The following SERPINB7 variants were observed in gnomAD, a reference collection of about 807,000 sequenced individuals.
SERPINB7 encodes the protein serpin B7.
A neutral mutation model predicts 37.4 loss-of-function variants in SERPINB7; 31 were observed. That is an observed-to-expected ratio of 0.83 (90% CI 0.62 to 1.12). SERPINB7 has a LOEUF of 1.12. SERPINB7 is among the 50% of genes most tolerant of loss of function. SERPINB7 has a pLI of 0.00. For missense variants in SERPINB7, 521 were observed against 455.3 expected (o/e 1.14, Z -1.31); for synonymous variants, 163 against 166.1 (o/e 0.98, Z 0.14).
At chr18:63,758,457 C>G (rs1470204001) in intron 1 of SERPINB7, among the ~76,000 whole-genome samples, 1 of 152,148 alleles carries the variant, frequency 6.6e-6, no homozygotes, top group Non-Finnish European at 1.5e-5. Context: ...TAAAGATGCT[C>G]TCTGATTCGC....
intron 7 of SERPINB7, among the ~76,000 whole-genome samples, chr18:63,803,471 A>G (rs1568216314): frequency 1.3e-5 from 2 of 152,196 alleles, no homozygotes; most frequent in Non-Finnish European, 2.9e-5. Context: ...TTTATGAAAA[A>G]TCTTCTTATT....
intron 1 of SERPINB7, among the ~76,000 whole-genome samples, chr18:63,761,001 G>A (rs117749770): frequency 0.024 from 3,613 of 152,330 alleles, 64 homozygotes; most frequent in Non-Finnish European, 0.04. Context: ...GCTGTGAGAA[G>A]AGGGCCACTG....
chr18:63,765,493 A>G (rs1251592686), intron 1 of SERPINB7, among the ~76,000 whole-genome samples: 1 of 152,194 alleles, frequency 6.6e-6, no homozygotes, highest in Non-Finnish European at 1.5e-5. Context: ...TTTAAAAAGT[A>G]AGATAAGAAT....
intron 1 of SERPINB7, among the ~76,000 whole-genome samples, chr18:63,758,587 A>G (rs1374978428): frequency 6.6e-6 from 1 of 152,214 alleles, no homozygotes; most frequent in Non-Finnish European, 1.5e-5. Context: ...AGTTGACTGT[A>G]GAAAGATATT....
At chr18:63,753,477 C>A (rs1464472976) in intron 1 of SERPINB7, among the ~76,000 whole-genome samples, 2 of 152,180 alleles carry the variant, frequency 1.3e-5, no homozygotes, top group African/African-American at 4.8e-5. Context: ...TAAGCTTATA[C>A]AAGATAGCTC....
upstream of SERPINB7, among the ~76,000 whole-genome samples, chr18:63,774,725 A>G (rs2049232494): frequency 6.6e-6 from 1 of 152,120 alleles, no homozygotes; most frequent in South Asian, 2.1e-4. Flanking sequence ...CAGGATGACA[A>G]GAATGAATGA....
intron 3 of SERPINB7, among the ~76,000 whole-genome samples, chr18:63,792,683 G>GGAGAATGT (rs1209914236): frequency 6.6e-6 from 1 of 152,190 alleles, no homozygotes; most frequent in Non-Finnish European, 1.5e-5. Context: ...GATGGAAGTT[G>GGAGAATGT]GAGAATGTGG....
chr18:63,797,639 A>G (rs1245525372), intron 5 of SERPINB7, among the ~76,000 whole-genome samples: 3 of 152,216 alleles, frequency 2.0e-5, no homozygotes, highest in Admixed American at 6.5e-5. Context: ...TATTCTAAAC[A>G]ACCCTACCCA....
chr18:63,788,924 A>C (rs1599011502), intron 2 of SERPINB7, among the ~76,000 whole-genome samples: 1 of 152,218 alleles, frequency 6.6e-6, no homozygotes, highest in Non-Finnish European at 1.5e-5. Flanking sequence ...ATGAGTACAC[A>C]CTGTAACATT....
intron 1 of SERPINB7, among the ~76,000 whole-genome samples, chr18:63,753,465 C>G (rs1290911033): frequency 1.3e-5 from 2 of 152,202 alleles, no homozygotes; most frequent in Admixed American, 6.5e-5. Flanking sequence ...TGAATAGACC[C>G]CTAAGCTTAT....
At chr18:63,772,729 A>G (rs1473702597), upstream of SERPINB7, among the ~76,000 whole-genome samples, 1 of 152,146 alleles carries the variant, frequency 6.6e-6, no homozygotes, top group Non-Finnish European at 1.5e-5. Flanking sequence ...TAGAAAAGGT[A>G]GCACTGATAA....
chr18:63,777,912 A>T (rs2049265302), intron 1 of SERPINB7: 1 of 150,370 alleles, frequency 6.7e-6, no homozygotes, highest in South Asian at 2.1e-4. Flanking sequence ...ACACACACAC[A>T]CACACACACA....
rs1568209446 is a variant in SERPINB7, at chr18:63,786,141, ATACACACACACACACACACACACACCAGC to A, written c.168+3602_168+3630del. ...TGTATATATATACGTATATACATAT[ATACACACACACACACACACACACACCAGC>A]ATGGCACATGGCACACACACACCAG... On this transcript the variant is annotated intron_variant, in intron 2 of 7. Transcript: ENST00000398019. 6.2e-3 allele frequency among the ~76,000 whole-genome samples: 712 copies of A among 115,016 alleles called. 5 individuals are homozygous for A. The highest frequency in any genetic ancestry group is 9.6e-3 in the South Asian group (32 of 3,336). The allele number at this position is 115,016 out of a possible 152,430, so 75.5% of individuals were successfully genotyped here. A position where few individuals can be genotyped will look rare whatever the true frequency, so the allele number is the denominator to read the frequency against.
chr18:63,792,291 A>T lies in SERPINB7; in HGVS notation c.169-102A>T, dbSNP rs17071824. 0.013 allele frequency: 10,299 copies of T among 812,320 alleles called. 766 individuals carry two copies. In the African/African-American group the frequency reaches 0.16, roughly 12 times the overall value. The allele number at this position is 812,320 out of a possible 1,614,324, so 50.3% of individuals were successfully genotyped here. A position where few individuals can be genotyped will look rare whatever the true frequency, so the allele number is the denominator to read the frequency against. On this transcript the variant is annotated intron_variant, in intron 2 of 7. Coordinates refer to ENST00000398019, the MANE Select transcript of SERPINB7 (RefSeq NM_003784.4). The stretch of plus-strand genomic sequence containing the variant: ...CTAATGAACTTGGAATGGCAATTAG[A>T]CACATTTATTGGGAAAGAATATTTT...
intron 1 of SERPINB7, chr18:63,777,768 A>G (rs994154351): frequency 6.6e-6 from 1 of 152,282 alleles, no homozygotes. Context: ...AGAGTAATGC[A>G]AAGAACTCTT....
intron 7 of SERPINB7, among the ~76,000 whole-genome samples, chr18:63,802,740 A>T (rs1050778271): frequency 6.6e-6 from 1 of 152,224 alleles, no homozygotes; most frequent in Admixed American, 6.5e-5. Context: ...AGAAACAGAC[A>T]TGCCTACCAT....
At chr18:63,776,726 A>G (rs190440305) in intron 1 of SERPINB7, among the ~76,000 whole-genome samples, 2 of 151,448 alleles carry the variant, frequency 1.3e-5, no homozygotes, top group African/African-American at 4.8e-5. Context: ...GGGGGTTTAA[A>G]TCATTAAGAC....
upstream of SERPINB7, among the ~76,000 whole-genome samples, chr18:63,775,065 A>G (rs1401147069): frequency 6.6e-6 from 1 of 152,052 alleles, no homozygotes; most frequent in East Asian, 1.9e-4. Context: ...GGCACCCTAA[A>G]CTCACCAAGT....
Position 63,798,605 on chromosome 18 carries a change from C to CA in SERPINB7, c.460dup (p.Ile154AsnfsTer7). On this transcript the variant is annotated frameshift_variant and splice_region_variant, in exon 6 of 8. Coordinates refer to ENST00000398019, the MANE Select transcript of SERPINB7 (RefSeq NM_003784.4). LOFTEE classifies it high-confidence loss of function. Reference sequence around the variant, plus strand: ...TTCCCTCAATTTTTTTTTCAAAAGGCAAAATCAAGAACGTGATTGGTGAAG... The same window carrying CA: ...TTCCCTCAATTTTTTTTTCAAAAGGCAAAAATCAAGAACGTGATTGGTGAAG... 6.6e-7 allele frequency: 1 copy of CA among 1,522,224 alleles called. No individual in the cohort carries two copies. Among genetic ancestry groups the CA allele is most frequent in the Non-Finnish European group, 8.8e-7 (1 of 1,136,484 alleles). The allele number at this position is 1,522,224 out of a possible 1,614,324, so 94.3% of individuals were successfully genotyped here.
Sources: gnomAD v4.1 joint callset for allele counts (sites outside exome capture counted in the v4.1 genomes callset) on GRCh38, gnomAD v4.1.1 for gene constraint, MANE v1.5 for transcripts, NCBI Gene and HGNC (gene_info 2026-07-23, HGNC 2026-07-21) for gene names.